CLK4: variants seen among roughly 807,000 people sequenced by gnomAD.
CLK4 encodes the protein dual specificity protein kinase CLK4.
A neutral mutation model predicts 64.4 loss-of-function variants in CLK4; 37 were observed. That is an observed-to-expected ratio of 0.57 (90% CI 0.44 to 0.76). The LOEUF (loss-of-function observed/expected upper bound fraction) is 0.76. Among genes scored for constraint, CLK4 ranks in the 30% least tolerant of loss-of-function variants. CLK4 has a pLI of 0.00. For missense variants in CLK4, 457 were observed against 605.1 expected (o/e 0.76, Z 2.57); for synonymous variants, 175 against 191.6 (o/e 0.91, Z 0.72).
chr5:178,612,290 A>T, intron 9 of CLK4, 126 bp downstream of exon 9: 2 of 804,762 alleles, frequency 2.5e-6, no homozygotes, highest in Non-Finnish European at 3.8e-6. Context: ...CACATTTTTT[A>T]TGAAAATAGA....
At chr5:178,626,448 A>T (rs1384144249) in intron 1 of CLK4, among the ~76,000 whole-genome samples, 1 of 152,030 alleles carries the variant, frequency 6.6e-6, no homozygotes, top group Non-Finnish European at 1.5e-5. Context: ...CCCGGTCCCC[A>T]CCTCCCGGCT....
intron 1 of CLK4, among the ~76,000 whole-genome samples, chr5:178,626,731 G>A (rs1764787939): frequency 6.6e-6 from 1 of 152,216 alleles, no homozygotes; most frequent in African/African-American, 2.4e-5. Context: ...CGCGACGCGA[G>A]CGGCCAGGGC....
At chr5:178,620,456 G>A (rs1269676419) in intron 2 of CLK4, 1 of 285,574 alleles carries the variant, frequency 3.5e-6, no homozygotes, top group South Asian at 3.0e-5. Context: ...AAAAGGATGA[G>A]AGTCTCTTCA....
rs563255919 is a variant in CLK4, at chr5:178,623,332, G to C, written c.85C>G (p.Arg29Gly). 1 of 1,613,814 alleles carries C rather than the reference G, an allele frequency of 6.2e-7. No individual in the cohort carries two copies. The highest frequency in any genetic ancestry group is 2.2e-5 in the East Asian group (1 of 44,852). The stretch of plus-strand genomic sequence containing the variant: ...GTGCTACTATGAGATCTCCTCTTCC[G>C]CTTGTGACTTCCACGATAGCTTTCA... ...GHESYRGSHK[R>G]KRRSHSSTQE... The change falls in exon 2 of 13, where the codon CGG becomes GGG. Residue 29 changes from arginine to glycine, a missense_variant. By Grantham distance (125) the Arg-to-Gly change is moderately radical. Transcript: ENST00000316308.
chr5:178,609,735 AT>A (rs1562127456), intron 9 of CLK4, among the ~76,000 whole-genome samples: 11 of 23,436 alleles, frequency 4.7e-4, no homozygotes, highest in African/African-American at 1.6e-3. Flanking sequence ...AAATTTTAAA[AT>A]ATATATATAT....
At chr5:178,622,567 C>A in intron 2 of CLK4, 1 of 230,084 alleles carries the variant, frequency 4.3e-6, no homozygotes, top group Non-Finnish European at 7.2e-6. Context: ...CTTTAAGATT[C>A]CTTTAATTCT....
At chr5:178,610,764 A>G (rs1393684768) in intron 9 of CLK4, among the ~76,000 whole-genome samples, 1 of 151,484 alleles carries the variant, frequency 6.6e-6, no homozygotes, top group Non-Finnish European at 1.5e-5. Context: ...TATAAAAAAC[A>G]TAAAAATTAA....
At chr5:178,623,071 A>G (rs1764730490) in intron 2 of CLK4, 185 bp downstream of exon 2, 2 of 581,252 alleles carry the variant, frequency 3.4e-6, no homozygotes, top group Non-Finnish European at 6.0e-6. Flanking sequence ...CATAAGGATA[A>G]GAACTTTGTT....
At chr5:178,612,345 C>T (rs1226446653) in intron 9 of CLK4, 71 bp downstream of exon 9, 3 of 1,365,934 alleles carry the variant, frequency 2.2e-6, no homozygotes, top group Non-Finnish European at 1.0e-6. Context: ...TTCCCCACCC[C>T]ACCAGTAAAG....
intron 9 of CLK4, among the ~76,000 whole-genome samples, chr5:178,612,048 C>A (rs1764565037): frequency 6.6e-6 from 1 of 152,216 alleles, no homozygotes. Flanking sequence ...TTCTAGACAT[C>A]TGCCAACCAG....
chr5:178,603,363 C>CAAAGGATTTAAATTTATCAAAGGATTTA lies in CLK4; in HGVS notation c.*253_*254insTAAATCCTTTGATAAATTTAAATCCTTT, dbSNP rs1764414419. ...AAGATCAATCACATTTATCACTGGA[C>CAAAGGATTTAAATTTATCAAAGGATTTA]ACAAAGGATATTTCAAAGGTATTTA... On this transcript the variant is annotated 3_prime_UTR_variant, in exon 13 of 13. Transcript: ENST00000316308. The CAAAGGATTTAAATTTATCAAAGGATTTA allele has an allele frequency of 4.3e-6, 1 of 233,014 alleles. No individual in the cohort carries two copies. Among genetic ancestry groups the CAAAGGATTTAAATTTATCAAAGGATTTA allele is most frequent in the Non-Finnish European group, 8.2e-6 (1 of 121,456 alleles). 14.4% of individuals were successfully genotyped at this position (233,014 alleles called of 1,614,324 possible).
At chr5:178,603,957 T>TG in intron 11 of CLK4, 23 bp from the exon 12 acceptor site, 1 of 1,496,848 alleles carries the variant, frequency 6.7e-7, no homozygotes, top group Non-Finnish European at 9.1e-7. Context: ...AAAAAAAGTC[T>TG]GGATTAGTAA....
chr5:178,620,633 G>A (rs764864767), intron 2 of CLK4: 5 of 455,532 alleles, frequency 1.1e-5, no homozygotes, highest in East Asian at 6.9e-5. Context: ...TAGCCAAGAC[G>A]GATGAGGGTA....
At chr5:178,611,826 G>A (rs1764562026) in intron 9 of CLK4, among the ~76,000 whole-genome samples, 1 of 152,098 alleles carries the variant, frequency 6.6e-6, no homozygotes, top group South Asian at 2.1e-4. Context: ...ATGTCTCCAA[G>A]CTCCCAAGCC....
At chr5:178,603,989 AC>A (rs1554203677) in intron 11 of CLK4, 55 bp from the exon 12 acceptor site, 15 of 1,332,224 alleles carry the variant, frequency 1.1e-5, no homozygotes, top group Non-Finnish European at 1.5e-5. Flanking sequence ...TCGTATCTTT[AC>A]CCTGCACCCA....
chr5:178,615,974 A>G (rs988421366), intron 5 of CLK4, among the ~76,000 whole-genome samples: 21 of 152,232 alleles, frequency 1.4e-4, no homozygotes, highest in Non-Finnish European at 2.9e-4. Flanking sequence ...GAAATTGCCA[A>G]ATCTTATATA....
intron 10 of CLK4, among the ~76,000 whole-genome samples, chr5:178,607,429 C>T (rs1581704438): frequency 6.6e-6 from 1 of 151,768 alleles, no homozygotes; most frequent in East Asian, 1.9e-4. Context: ...AACTCCTCCT[C>T]CTCTTCCTAT....
intron 10 of CLK4, 50 bp from the exon 11 acceptor site, chr5:178,605,432 C>T (rs759607570): frequency 9.3e-7 from 1 of 1,078,344 alleles, no homozygotes; most frequent in South Asian, 1.6e-5. Flanking sequence ...TCCCTACAAA[C>T]ACATTAACTT....
chr5:178,605,532 C>T, intron 10 of CLK4, 150 bp from the exon 11 acceptor site: 3 of 489,988 alleles, frequency 6.1e-6, no homozygotes, highest in Non-Finnish European at 1.1e-5. Context: ...AAAACTGTCT[C>T]CTCATTTAAT....
Sources: gnomAD v4.1 joint callset for allele counts (sites outside exome capture counted in the v4.1 genomes callset) on GRCh38, gnomAD v4.1.1 for gene constraint, MANE v1.5 for transcripts, NCBI Gene and HGNC (gene_info 2026-07-23, HGNC 2026-07-21) for gene names.